MAP3K11: variants seen among roughly 807,000 people sequenced by gnomAD.
MAP3K11 encodes the protein mitogen-activated protein kinase kinase kinase 11, also known as SH3 domain-containing proline-rich kinase.
A neutral mutation model predicts 84.9 loss-of-function variants in MAP3K11; 46 were observed. The observed-to-expected ratio is 0.54, with a 90% CI of 0.43 to 0.69. The LOEUF (loss-of-function observed/expected upper bound fraction) is 0.69, where lower values mean the gene tolerates loss of function less well. MAP3K11 is among the 30% of genes least tolerant of loss of function. The pLI is 0.00. For synonymous variants in MAP3K11, 527 were observed against 514.7 expected (o/e 1.02, Z -0.32); for missense variants, 1,053 against 1,198.3 (o/e 0.88, Z 1.79).
intron 8 of MAP3K11, among the ~76,000 whole-genome samples, chr11:65,605,142 G>A (rs1460946817): frequency 2.0e-5 from 3 of 152,188 alleles, no homozygotes; most frequent in Non-Finnish European, 2.9e-5. Flanking sequence ...TCTGCAAAAT[G>A]GGGTAATAGT....
chr11:65,599,801 G>A, intron 8 of MAP3K11, 33 bp from the exon 9 acceptor site: 1 of 1,583,146 alleles, frequency 6.3e-7, no homozygotes, highest in Non-Finnish European at 8.5e-7. Flanking sequence ...TGAGGGTGTG[G>A]CTGGTGCATA....
chr11:65,605,829 G>C lies in MAP3K11; in HGVS notation c.1763C>G (p.Ala588Gly). Residue 588 changes from alanine to glycine, a missense_variant, in exon 8 of 10, where the codon GCC (alanine) becomes GGC (glycine). Physicochemically the swap from Ala to Gly is moderately conservative, Grantham distance 60 (BLOSUM62 0). This residue lies in a region of MAP3K11 where 583 missense variants were observed against 566.6 expected (regional missense o/e 1.03). Transcript: ENST00000309100. Reference protein sequence around the residue: ...NGRRRSRMDEATWYLDSDDSS... With the variant: ...NGRRRSRMDEGTWYLDSDDSS... ...GTCATCTGAATCCAGGTACCATGTG[G>C]CTTCGTCCATGCGGGACCTTCTCCT... The C allele has an allele frequency of 6.2e-7, 1 of 1,613,364 alleles. No homozygotes were observed. Among genetic ancestry groups the C allele is most frequent in the Admixed American group, 1.7e-5 (1 of 59,920 alleles).
intron 6 of MAP3K11, 85 bp from the exon 7 acceptor site, chr11:65,606,166 A>G (rs978722923): frequency 1.4e-6 from 2 of 1,420,794 alleles, no homozygotes; most frequent in Non-Finnish European, 1.9e-6. Context: ...ACTTTAGAGT[A>G]TGGGGAGCAG....
At chr11:65,605,345 A>G (rs766019315) in intron 8 of MAP3K11, among the ~76,000 whole-genome samples, 1 of 152,110 alleles carries the variant, frequency 6.6e-6, no homozygotes, top group Non-Finnish European at 1.5e-5. Flanking sequence ...TGTGGCTGAC[A>G]CTTGTTTGGC....
At chr11:65,606,193 T>C in intron 6 of MAP3K11, 112 bp from the exon 7 acceptor site, 11 of 1,250,536 alleles carry the variant, frequency 8.8e-6, no homozygotes, top group Non-Finnish European at 1.2e-5. Flanking sequence ...CCCTGTACCA[T>C]TCCCAGGGTG....
At position 65,613,673 on chromosome 11, in the gene MAP3K11, T is replaced by TCCC; in HGVS notation, c.83_84insGGG (p.Gly30dup). Reference sequence around the variant, plus strand: ...TTGGAGACCCCTCAGGCCGGCCTCCTCCACCGCCCCCACCACCCCCGCTGC... The same window carrying TCCC: ...TTGGAGACCCCTCAGGCCGGCCTCCTCCCCCACCGCCCCCACCACCCCCGCTGC... On this transcript the variant is annotated inframe_insertion, in exon 1 of 10. Transcript: ENST00000309100. 6.9e-7 allele frequency: 1 copy of TCCC among 1,449,386 alleles called. No homozygotes were observed. Among genetic ancestry groups the TCCC allele is most frequent in the Non-Finnish European group, 9.7e-7 (1 of 1,032,718 alleles). 89.8% of individuals were successfully genotyped at this position (1,449,386 alleles called of 1,614,324 possible).
At chr11:65,612,889 C>G in intron 1 of MAP3K11, 129 bp downstream of exon 1, 2 of 1,130,266 alleles carry the variant, frequency 1.8e-6, no homozygotes, top group South Asian at 4.5e-5. Flanking sequence ...ATGGGCACCC[C>G]TGGTCAGCTG....
Position 65,607,390 on chromosome 11 carries a change from G to A in MAP3K11, c.1369C>T (p.Leu457=). Reference sequence around the variant, plus strand: ...TCCACCTGCTGCAGCAGCAGCGTCAGCTCGCGCTCGAACACCTCTAGCTCC... The same window carrying A: ...TCCACCTGCTGCAGCAGCAGCGTCAACTCGCGCTCGAACACCTCTAGCTCC... ...QWELEVFERE[L]TLLLQQVDRE... The change falls in exon 5 of 10, where the codon CTG becomes TTG. Residue 457 remains leucine (L), a synonymous_variant. Transcript: ENST00000309100. 1 of 1,496,436 alleles carries A rather than the reference G, an allele frequency of 6.7e-7. No individual in the cohort carries two copies. The allele number at this position is 1,496,436 out of a possible 1,614,324, so 92.7% of individuals were successfully genotyped here.
intron 6 of MAP3K11, 26 bp downstream of exon 6, chr11:65,606,665 G>A (rs1000206484): frequency 3.3e-6 from 5 of 1,497,804 alleles, no homozygotes; most frequent in East Asian, 2.5e-5. Context: ...GGGGCGGAGA[G>A]GGGCATGAGA....
chr11:65,608,601 G>T, intron 1 of MAP3K11, 153 bp from the exon 2 acceptor site: 1 of 617,308 alleles, frequency 1.6e-6, no homozygotes, highest in Non-Finnish European at 2.9e-6. Context: ...CTTGAGGTCA[G>T]ACATTTCTTT....
In MAP3K11 at chr11:65,608,079, G is replaced by A. The variant is rs1379728926; in HGVS notation, c.921-9C>T. ...ACAGCAGCACCCCAAAACTGTGGGC[G>A]AGACAACAGGTCTGTGTTCCCTTTT... On this transcript the variant is annotated splice_polypyrimidine_tract_variant and intron_variant, in intron 2 of 9. Transcript: ENST00000309100. 7 of 1,613,678 alleles carry A rather than the reference G, an allele frequency of 4.3e-6. No homozygotes were observed. The South Asian group carries it at 4.4e-5, about 10-fold the overall frequency.
intron 1 of MAP3K11, chr11:65,611,675 G>T (rs1854572107): frequency 6.6e-6 from 1 of 152,582 alleles, no homozygotes; most frequent in African/African-American, 2.4e-5. Flanking sequence ...CCGGCTCAGG[G>T]GCAGCAGGAA....
At chr11:65,606,356 CT>C (rs1854507789) in intron 6 of MAP3K11, 1 of 446,538 alleles carries the variant, frequency 2.2e-6, no homozygotes, top group Non-Finnish European at 3.9e-6. Context: ...CACTTATTAA[CT>C]GTGTAACAAG....
In MAP3K11 at chr11:65,598,117, G is replaced by C; in HGVS notation, c.*174C>G. 2.2e-6 allele frequency: 1 copy of C among 449,544 alleles called. No individual in the cohort carries two copies. The highest frequency in any genetic ancestry group is 3.8e-6 in the Non-Finnish European group (1 of 265,930). The allele number at this position is 449,544 out of a possible 1,614,324, so 27.8% of individuals were successfully genotyped here. A position where few individuals can be genotyped will look rare whatever the true frequency, so the allele number is the denominator to read the frequency against. On this transcript the variant is annotated 3_prime_UTR_variant, in exon 10 of 10. Transcript: ENST00000309100. ...TACAGGTTTCAGATGTGGGGGCGCA[G>C]GTCCCCCTTCCAGTGTGAAGGCTTC...
At position 65,607,633 on chromosome 11, in the gene MAP3K11, C is replaced by T; in HGVS notation, c.1245+8G>A. The T allele has an allele frequency of 6.3e-7, 1 of 1,599,832 alleles. No individual in the cohort carries two copies. Among genetic ancestry groups the T allele is most frequent in the Non-Finnish European group, 8.5e-7 (1 of 1,170,552 alleles). Reference sequence around the variant, plus strand: ...CGTTCCAACGCTGGGTCCCTTGATTCCTCGCACCTTTTCCTTGGCTCGCAG... The same window carrying T: ...CGTTCCAACGCTGGGTCCCTTGATTTCTCGCACCTTTTCCTTGGCTCGCAG... On this transcript the variant is annotated splice_region_variant and intron_variant, in intron 4 of 9. Transcript: ENST00000309100.
intron 8 of MAP3K11, 106 bp from the exon 9 acceptor site, chr11:65,599,874 C>A: frequency 1.6e-6 from 2 of 1,239,910 alleles, no homozygotes; most frequent in African/African-American, 1.6e-5. Flanking sequence ...CTGCCCTCTA[C>A]TAGCATCTTC....
intron 1 of MAP3K11, chr11:65,612,775 C>T (rs181259966): frequency 3.3e-4 from 135 of 404,096 alleles, no homozygotes; most frequent in African/African-American, 2.5e-3. Context: ...AATTTCTTAA[C>T]TTGTCCAAAC....
chr11:65,606,867 C>A, intron 5 of MAP3K11, 63 bp from the exon 6 acceptor site: 2 of 1,070,430 alleles, frequency 1.9e-6, no homozygotes, highest in Non-Finnish European at 2.8e-6. Flanking sequence ...AGGACCCCAA[C>A]CTGCAGGGGC....
At position 65,607,321 on chromosome 11, in the gene MAP3K11, G is replaced by T. The variant is rs745917799; in HGVS notation, c.1438C>A (p.Arg480Ser). 1.4e-4 allele frequency: 213 copies of T among 1,521,650 alleles called. No individual in the cohort carries two copies. The highest frequency in any genetic ancestry group is 1.8e-4 in the Non-Finnish European group (208 of 1,143,768). The allele number at this position is 1,521,650 out of a possible 1,614,324, so 94.3% of individuals were successfully genotyped here. A position where few individuals can be genotyped will look rare whatever the true frequency, so the allele number is the denominator to read the frequency against. Residue 480 changes from arginine (R) to serine (S), a missense_variant, in exon 5 of 10, where the codon CGC (arginine) becomes AGC (serine). By Grantham distance (110) the Arg-to-Ser change is moderately radical. Around this residue, in one of 3 missense-constraint regions of MAP3K11, gnomAD observed 583 missense variants for 566.6 expected, o/e 1.03. Coordinates refer to ENST00000309100, the MANE Select transcript of MAP3K11 (RefSeq NM_002419.4). ...HVRRRRGTFK[R>S]SKLRARDGGE... ...CCGTCGCGCGCCCGGAGCTTGCTGC[G>T]CTTGAATGTCCCGCGGCGGCGGCGC...
Sources: gnomAD v4.1 joint callset for allele counts (sites outside exome capture counted in the v4.1 genomes callset) on GRCh38, gnomAD v4.1.1 for gene constraint, gnomAD v4.1.1 regional missense constraint, MANE v1.5 for transcripts, NCBI Gene and HGNC (gene_info 2026-07-23, HGNC 2026-07-21) for gene names.